The following PIK3C2B variants were observed in gnomAD, a reference collection of about 807,000 sequenced individuals.
The protein encoded by PIK3C2B is phosphatidylinositol-4-phosphate 3-kinase catalytic subunit type 2 beta.
In PIK3C2B, 83 loss-of-function variants were observed where a neutral mutation model predicts 184.3. That is an observed-to-expected ratio of 0.45 (90% CI 0.38 to 0.54). The LOEUF (loss-of-function observed/expected upper bound fraction) is 0.54. Among genes scored for constraint, PIK3C2B ranks in the 20% least tolerant of loss-of-function variants. PIK3C2B has a pLI of 0.00. For missense variants in PIK3C2B, 1,736 were observed against 2,113.5 expected (o/e 0.82, Z 3.50); for synonymous variants, 779 against 837.6 (o/e 0.93, Z 1.21).
chr1:204,455,259 C>A (rs1483903694), intron 11 of PIK3C2B, among the ~76,000 whole-genome samples: 1 of 152,068 alleles, frequency 6.6e-6, no homozygotes, highest in East Asian at 1.9e-4. Context: ...CCCAGGCTGC[C>A]TCCTTTGTTC....
rs1656097351 is a variant in PIK3C2B at position 204,469,285 on chromosome 1, G to T, written c.518C>A (p.Pro173His). The change falls in exon 2 of 33, where the codon CCC becomes CAC. Residue 173 changes from proline to histidine, a missense_variant. By Grantham distance (77) the Pro-to-His change is moderately conservative. Transcript: ENST00000684373. ...ASIWDTPPLP[P>H]RKGSPSSSKI... ...GGAGGATGAGGGGGACCCCTTTCTG[G>T]GAGGCAGGGGAGGGGTATCCCAGAT... 6.5e-7 allele frequency: 1 copy of T among 1,545,054 alleles called. No individual in the cohort carries two copies. Among genetic ancestry groups the T allele is most frequent in the African/African-American group, 1.4e-5 (1 of 72,824 alleles).
chr1:204,427,136 CA>C (rs569505441), intron 31 of PIK3C2B, among the ~76,000 whole-genome samples: 2,523 of 132,534 alleles, frequency 0.019, 27 homozygotes, highest in Middle Eastern at 0.06. Flanking sequence ...AACTCCATTT[CA>C]AAAAAAAAAA....
chr1:204,442,061 C>A (rs1348634415), intron 20 of PIK3C2B, among the ~76,000 whole-genome samples: 1 of 152,162 alleles, frequency 6.6e-6, no homozygotes, highest in Non-Finnish European at 1.5e-5. Context: ...GAGAAAGACA[C>A]CTGCCTAGCC....
intron 12 of PIK3C2B, among the ~76,000 whole-genome samples, chr1:204,452,423 G>T (rs1307229652): frequency 6.8e-6 from 1 of 148,124 alleles, no homozygotes; most frequent in Non-Finnish European, 1.5e-5. Context: ...AACCACAGGT[G>T]TATGCCACCA....
chr1:204,488,356 T>G (rs1008170773), intron 1 of PIK3C2B, among the ~76,000 whole-genome samples: 1 of 152,256 alleles, frequency 6.6e-6, no homozygotes, highest in Admixed American at 6.5e-5. Flanking sequence ...AGGATTATCA[T>G]GAGAGTCCTT....
intron 1 of PIK3C2B, among the ~76,000 whole-genome samples, chr1:204,487,854 G>C (rs1418972082): frequency 6.6e-6 from 1 of 152,092 alleles, no homozygotes. Flanking sequence ...TGCATTTTGG[G>C]TGGGAGGGGG....
At chr1:204,479,236 G>A (rs887474110) in intron 1 of PIK3C2B, among the ~76,000 whole-genome samples, 14 of 152,106 alleles carry the variant, frequency 9.2e-5, no homozygotes, top group African/African-American at 3.4e-4. Flanking sequence ...TCTCTGTCTG[G>A]TTCCTACTTC....
chr1:204,431,751 T>C lies in PIK3C2B; in HGVS notation c.4198A>G (p.Thr1400Ala), dbSNP rs147596817. 6 of 1,614,060 alleles carry C rather than the reference T, an allele frequency of 3.7e-6. No homozygotes were observed. The highest frequency in any genetic ancestry group is 5.1e-6 in the Non-Finnish European group (6 of 1,180,020). Residue 1400 changes from threonine (T) to alanine (A), a missense_variant, in exon 28 of 33, where the codon ACC becomes GCC. By Grantham distance (58) the Thr-to-Ala change is moderately conservative. Coordinates refer to ENST00000684373, the MANE Select transcript of PIK3C2B (RefSeq NM_001377334.1). ...TCCTCAAAGGTCCGCTGGATGTAGG[T>C]GGCCTCGTGAGTGTTCTCTCGCATC... ...KVMRENTHEA[T>A]YIQRTFEEFQ...
chr1:204,477,788 GGT>G (rs1656829733), intron 1 of PIK3C2B, among the ~76,000 whole-genome samples: 1 of 152,132 alleles, frequency 6.6e-6, no homozygotes, highest in Admixed American at 6.5e-5. Flanking sequence ...GATCCCAAAG[GGT>G]GTTGAGTACC....
At chr1:204,481,309 C>G (rs1265095566) in intron 1 of PIK3C2B, among the ~76,000 whole-genome samples, 1 of 146,794 alleles carries the variant, frequency 6.8e-6, no homozygotes, top group Non-Finnish European at 1.5e-5. Flanking sequence ...CGCTCTGTCG[C>G]CCAGGCTGAG....
intron 1 of PIK3C2B, chr1:204,489,722 G>C: frequency 2.6e-6 from 1 of 391,090 alleles, no homozygotes; most frequent in Non-Finnish European, 4.5e-6. Context: ...AGAAAATGAG[G>C]GCTCTTAGGG....
At position 204,469,187 on chromosome 1, in the gene PIK3C2B, G is replaced by T. The variant is rs758092548; in HGVS notation, c.616C>A (p.Arg206=). 6.2e-7 allele frequency: 1 copy of T among 1,613,478 alleles called. No homozygotes were observed. The highest frequency in any genetic ancestry group is 8.5e-7 in the Non-Finnish European group (1 of 1,179,662). ...AGCACCTCTTCCTCTTCTAGGATCC[G>T]ATGCTCTAGCAGTTTGCCCGGCAAT... ...EQLPGKLLEH[R]ILEEEEVLGG... Residue 206 remains arginine, a synonymous_variant, in exon 2 of 33, where the codon CGG becomes AGG. Transcript: ENST00000684373.
At chr1:204,442,843 G>A (rs1048195215) in intron 19 of PIK3C2B, among the ~76,000 whole-genome samples, 4 of 152,258 alleles carry the variant, frequency 2.6e-5, no homozygotes, top group Non-Finnish European at 5.9e-5. Context: ...TAGCTCTAGA[G>A]GGGAGCAGAT....
intron 21 of PIK3C2B, among the ~76,000 whole-genome samples, 153 bp downstream of exon 21, chr1:204,441,318 C>T (rs926247277): frequency 1.3e-5 from 2 of 152,202 alleles, no homozygotes; most frequent in East Asian, 1.9e-4. Context: ...ATGCAGAATT[C>T]ATCTAAATCC....
intron 31 of PIK3C2B, among the ~76,000 whole-genome samples, chr1:204,426,878 A>G (rs1237495555): frequency 6.6e-6 from 1 of 152,178 alleles, no homozygotes; most frequent in Non-Finnish European, 1.5e-5. Flanking sequence ...GCTCACACCT[A>G]TAATCCCAGC....
chr1:204,468,864 C>T lies in PIK3C2B; in HGVS notation c.933+6G>A. On this transcript the variant is annotated splice_donor_region_variant and intron_variant, in intron 2 of 32. Transcript: ENST00000684373. ...GAAGGCAGAAGAAACACAAGAAGGT[C>T]CTCACCGGGGCTGCAGAAATCCGGC... 1 of 1,567,506 alleles carries T rather than the reference C, an allele frequency of 6.4e-7. No homozygotes were observed. The highest frequency in any genetic ancestry group is 8.6e-7 in the Non-Finnish European group (1 of 1,156,672).
At position 204,464,624 on chromosome 1, in the gene PIK3C2B, A is replaced by G. The variant is rs1348029976; in HGVS notation, c.1035-20T>C. On this transcript the variant is annotated intron_variant, in intron 3 of 32. Coordinates refer to ENST00000684373, the MANE Select transcript of PIK3C2B (RefSeq NM_001377334.1). ...CGAAGGCTGTACAGGAAGAAAAAAA[A>G]CCCTCACTGTGCCTTTAGAAGAGAG... 1.9e-6 allele frequency: 3 copies of G among 1,610,554 alleles called. No homozygotes were observed. The highest frequency in any genetic ancestry group is 2.5e-6 in the Non-Finnish European group (3 of 1,178,354).
At chr1:204,482,303 G>C (rs1434788615) in intron 1 of PIK3C2B, among the ~76,000 whole-genome samples, 2 of 152,200 alleles carry the variant, frequency 1.3e-5, no homozygotes, top group African/African-American at 4.8e-5. Flanking sequence ...AGCCCAGGTT[G>C]ATCCAGGTGG....
intron 1 of PIK3C2B, among the ~76,000 whole-genome samples, chr1:204,481,789 G>C (rs1018720089): frequency 6.6e-6 from 1 of 152,160 alleles, no homozygotes; most frequent in African/African-American, 2.4e-5. Context: ...CCTTCTGGCA[G>C]GCCCCCCAGG....
Sources: allele counts gnomAD v4.1 joint callset (sites outside exome capture counted in the v4.1 genomes callset), GRCh38; gene constraint gnomAD v4.1.1; transcripts MANE v1.5; gene names NCBI Gene and HGNC (gene_info 2026-07-23, HGNC 2026-07-21).